Variants in ZBTB16 observed in about 807,000 individuals in gnomAD.
ZBTB16 encodes the protein zinc finger and BTB domain-containing protein 16.
ZBTB16 carries 8 observed loss-of-function variants against 56.8 expected under a neutral mutation model. That is an observed-to-expected ratio of 0.14 (90% CI 0.08 to 0.25). The LOEUF is 0.25. Among genes scored for constraint, ZBTB16 ranks in the 10% least tolerant of loss-of-function variants. The pLI, the probability that ZBTB16 is intolerant of heterozygous loss-of-function variation, is 1.00. For synonymous variants in ZBTB16, 363 were observed against 368.5 expected, an observed-to-expected ratio of 0.98 and a Z score of 0.17; for missense variants, 625 against 903.0, an observed-to-expected ratio of 0.69 and a Z score of 3.95.
At chr11:114,110,275 C>T (rs1160136796) in intron 2 of ZBTB16, among the ~76,000 whole-genome samples, 3 of 152,140 alleles carry the variant, frequency 2.0e-5, no homozygotes, top group Non-Finnish European at 4.4e-5. Context: ...AGATCAGTCA[C>T]AGAGCAGTCT....
intron 4 of ZBTB16, among the ~76,000 whole-genome samples, chr11:114,214,295 G>A (rs962494816): frequency 6.6e-6 from 1 of 152,132 alleles, no homozygotes; most frequent in Non-Finnish European, 1.5e-5. Context: ...GGGGAGATGG[G>A]ACTTGAAGTT....
In ZBTB16 at chr11:114,227,479, C is replaced by T. The variant is rs570393675; in HGVS notation, c.1454-14688C>T. Among the ~76,000 whole-genome samples the T allele has an allele frequency of 3.0e-4, 46 of 152,328 alleles. No individual in the cohort carries two copies. In the South Asian group the frequency reaches 7.7e-3, roughly 25 times the overall value. The stretch of plus-strand genomic sequence containing the variant: ...TGCAATCCTTTATCCATCTATTCGT[C>T]CTTCTCTCCATCCAATAAATATTCA... On this transcript the variant is annotated intron_variant, in intron 4 of 6. Transcript: ENST00000335953.
At chr11:114,233,066 T>TGCGCGCGCAC (rs1944476823) in intron 4 of ZBTB16, among the ~76,000 whole-genome samples, 1 of 94,390 alleles carries the variant, frequency 1.1e-5, no homozygotes, top group African/African-American at 3.9e-5. Flanking sequence ...CACATACGCA[T>TGCGCGCGCAC]GCGCGCGCGC....
At chr11:114,236,890 G>A (rs958357811) in intron 4 of ZBTB16, among the ~76,000 whole-genome samples, 126 of 152,300 alleles carry the variant, frequency 8.3e-4, no homozygotes, top group African/African-American at 2.9e-3. Context: ...AGGGCTTTAC[G>A]TGATACAACA....
At chr11:114,190,194 G>T (rs562054506) in intron 4 of ZBTB16, among the ~76,000 whole-genome samples, 2 of 152,280 alleles carry the variant, frequency 1.3e-5, no homozygotes, top group South Asian at 2.1e-4. Flanking sequence ...GATGGAGCTG[G>T]AGTTTCTTCA....
At chr11:114,094,937 C>G (rs554854064) in intron 2 of ZBTB16, among the ~76,000 whole-genome samples, 1 of 152,232 alleles carries the variant, frequency 6.6e-6, no homozygotes, top group African/African-American at 2.4e-5. Flanking sequence ...AGCCCAGATA[C>G]CCCTCCAGAG....
intron 3 of ZBTB16, chr11:114,180,954 G>C (rs1943233622): frequency 6.6e-6 from 1 of 152,232 alleles, no homozygotes; most frequent in Non-Finnish European, 1.5e-5. Flanking sequence ...TTGGTGAATA[G>C]CTGCTGATAC....
At chr11:114,105,635 G>A (rs770257650) in intron 2 of ZBTB16, among the ~76,000 whole-genome samples, 2 of 152,150 alleles carry the variant, frequency 1.3e-5, no homozygotes, top group Non-Finnish European at 2.9e-5. Flanking sequence ...TTGAGACAGC[G>A]ATCTGTCCCC....
chr11:114,193,716 A>C (rs760697313), intron 4 of ZBTB16, among the ~76,000 whole-genome samples: 12 of 152,186 alleles, frequency 7.9e-5, no homozygotes, highest in Non-Finnish European at 1.6e-4. Flanking sequence ...GGGAAAAGCC[A>C]GGTGGGAGAC....
chr11:114,210,755 C>T lies in ZBTB16; in HGVS notation c.1453+23717C>T, dbSNP rs142341318. The T allele has an allele frequency of 6.2e-3, 1,342 of 218,076 alleles. 7 individuals carry two copies. The highest frequency in any genetic ancestry group is 8.5e-3 in the Non-Finnish European group (925 of 108,404). The allele number at this position is 218,076 out of a possible 1,614,324, so 13.5% of individuals were successfully genotyped here. On this transcript the variant is annotated intron_variant, in intron 4 of 6. Transcript: ENST00000335953. ...ACATCCCAGGCCTGGTGTTCACTGC[C>T]AGGGCTCTTGGGGTCTAAGGTGGGT... is the stretch of plus-strand genomic sequence containing the variant.
At chr11:114,180,468 G>C (rs932844640) in intron 3 of ZBTB16, among the ~76,000 whole-genome samples, 1 of 152,304 alleles carries the variant, frequency 6.6e-6, no homozygotes, top group East Asian at 1.9e-4. Context: ...GTGAGCATTG[G>C]ACTGGGTTGG....
At chr11:114,087,557 A>G (rs1180745667) in intron 2 of ZBTB16, among the ~76,000 whole-genome samples, 1 of 151,802 alleles carries the variant, frequency 6.6e-6, no homozygotes, top group Admixed American at 6.6e-5. Flanking sequence ...TGCCTTCCAT[A>G]TCCACCATTT....
chr11:114,186,182 A>T (rs1055126343), intron 3 of ZBTB16, among the ~76,000 whole-genome samples: 2 of 152,188 alleles, frequency 1.3e-5, no homozygotes, highest in Non-Finnish European at 2.9e-5. Context: ...AATGACGAAC[A>T]GGAGCTCCAA....
intron 3 of ZBTB16, among the ~76,000 whole-genome samples, chr11:114,164,891 A>C (rs973154687): frequency 1.3e-5 from 2 of 149,152 alleles, no homozygotes; most frequent in African/African-American, 5.0e-5. Context: ...ATCTGCTTTC[A>C]TCTCACTTCA....
rs200769754 is a variant in ZBTB16 at position 114,255,365 on chromosome 11, ATT to A, written c.*4813_*4814del. Among the ~76,000 whole-genome samples the A allele has an allele frequency of 5.9e-5, 9 of 152,130 alleles. No individual in the cohort carries two copies. The East Asian group carries it at 1.7e-3, about 29-fold the overall frequency. ...TAGCCTAATTTTAGGAGGTTGCCCA[ATT>A]TTGTTTCTTCAATTTTACTGGTTAC... On this transcript the variant is annotated 3_prime_UTR_variant, in exon 7 of 7. Coordinates refer to ENST00000335953, the MANE Select transcript of ZBTB16 (RefSeq NM_006006.6).
intron 2 of ZBTB16, among the ~76,000 whole-genome samples, chr11:114,101,749 T>A (rs961160398): frequency 1.3e-5 from 2 of 152,252 alleles, no homozygotes; most frequent in African/African-American, 2.4e-5. Flanking sequence ...GAGTGCCCAG[T>A]AAATGCTAGT....
intron 5 of ZBTB16, among the ~76,000 whole-genome samples, chr11:114,244,224 C>G (rs895420234): frequency 2.0e-5 from 3 of 151,560 alleles, no homozygotes; most frequent in Non-Finnish European, 4.4e-5. Flanking sequence ...CACGGCTCAT[C>G]ATATAATAAA....
In ZBTB16 at chr11:114,242,602, C is replaced by T. The variant is rs972103334; in HGVS notation, c.1624+265C>T. On this transcript the variant is annotated intron_variant, in intron 5 of 6. Coordinates refer to ENST00000335953, the MANE Select transcript of ZBTB16 (RefSeq NM_006006.6). ...AGGCTCTTGGGTCCCACTCTCAGAA[C>T]CTTTTATTCCATGGGTCCAGGGTGG... 2.6e-5 allele frequency among the ~76,000 whole-genome samples: 4 copies of T among 152,186 alleles called. No individual in the cohort carries two copies. The East Asian group carries it at 7.7e-4, about 29-fold the overall frequency.
At chr11:114,180,332 G>C (rs556609594) in intron 3 of ZBTB16, among the ~76,000 whole-genome samples, 3 of 152,284 alleles carry the variant, frequency 2.0e-5, no homozygotes, top group East Asian at 3.9e-4. Context: ...TTTCACAACT[G>C]GGTACCTGGA....
Sources: gnomAD v4.1 joint callset for allele counts (sites outside exome capture counted in the v4.1 genomes callset) on GRCh38, gnomAD v4.1.1 for gene constraint, MANE v1.5 for transcripts, NCBI Gene and HGNC (gene_info 2026-07-23, HGNC 2026-07-21) for gene names.